The following RPH3AL variants were observed in gnomAD, a reference collection of about 807,000 sequenced individuals.
RPH3AL encodes the protein rabphilin 3A like (without C2 domains).
A neutral mutation model predicts 43.1 loss-of-function variants in RPH3AL; 38 were observed. That is an observed-to-expected ratio of 0.88 (90% CI 0.68 to 1.15). RPH3AL has a LOEUF of 1.15. Ranked by LOEUF, RPH3AL falls within the 50% of genes most tolerant of loss-of-function variation. The pLI is 0.00. For missense variants in RPH3AL, 462 were observed against 423.2 expected (o/e 1.09, Z -0.81); for synonymous variants, 189 against 176.3 (o/e 1.07, Z -0.57).
chr17:223,711 G>A (rs1053433223), intron 7 of RPH3AL, among the ~76,000 whole-genome samples: 7 of 152,154 alleles, frequency 4.6e-5, no homozygotes, highest in Admixed American at 2.6e-4. Context: ...ATGAGGAAAC[G>A]GTAGCTGCCA....
chr17:223,502 C>T (rs1052343516), intron 7 of RPH3AL, among the ~76,000 whole-genome samples: 5 of 152,284 alleles, frequency 3.3e-5, no homozygotes, highest in South Asian at 2.1e-4. Context: ...TAGTGAGCAT[C>T]GTCTTCCAAA....
intron 7 of RPH3AL, among the ~76,000 whole-genome samples, chr17:230,490 AG>A (rs2041206652): frequency 6.6e-6 from 1 of 152,158 alleles, no homozygotes; most frequent in Non-Finnish European, 1.5e-5. Context: ...TAGACACAAA[AG>A]CTGAGGCTGG....
chr17:321,437 C>A, intron 3 of RPH3AL, 22 bp from the exon 4 acceptor site: 1 of 1,567,124 alleles, frequency 6.4e-7, no homozygotes, highest in Non-Finnish European at 8.6e-7. Flanking sequence ...ACAGCACAGA[C>A]GGCGTGGAGG....
intron 5 of RPH3AL, among the ~76,000 whole-genome samples, chr17:314,298 C>G (rs1015018239): frequency 6.6e-6 from 1 of 151,920 alleles, no homozygotes; most frequent in East Asian, 1.9e-4. Flanking sequence ...ATATTCACAG[C>G]AGCTGTGGGG....
chr17:297,994 G>C (rs1007029790), intron 5 of RPH3AL, among the ~76,000 whole-genome samples: 21 of 151,950 alleles, frequency 1.4e-4, no homozygotes, highest in African/African-American at 4.6e-4. Flanking sequence ...TGTCCCCACC[G>C]GCCTTGCCAA....
chr17:246,934 T>C lies in RPH3AL; in HGVS notation c.613+177A>G, dbSNP rs574154733. Among the ~76,000 whole-genome samples, 79 of 152,050 alleles carry C rather than the reference T, an allele frequency of 5.2e-4. No individual in the cohort carries two copies. Among genetic ancestry groups the C allele is most frequent in the African/African-American group, 1.8e-3 (74 of 41,482 alleles). ...AGAGCGAACAGTCACCTGCTGGAGGTCCCCGCTGCTCACTCGGGAGAAGGT... is the reference window on the plus strand; with the variant it reads ...AGAGCGAACAGTCACCTGCTGGAGGCCCCCGCTGCTCACTCGGGAGAAGGT... On this transcript the variant is annotated intron_variant, in intron 7 of 9. Transcript: ENST00000331302. This position sits in a 1 kb window ranked among gnomAD's most constrained non-coding sequence, Gnocchi z 4.8.
At position 289,936 on chromosome 17, in the gene RPH3AL, G is replaced by A. The variant is rs2043009091; in HGVS notation, c.352-8082C>T. ...TGTCAAGGTTGTGATTTTACCCTCCGCTGTGTGGCTGCAGGGCTCCTGTGA... is the reference window on the plus strand; with the variant it reads ...TGTCAAGGTTGTGATTTTACCCTCCACTGTGTGGCTGCAGGGCTCCTGTGA... On this transcript the variant is annotated intron_variant, in intron 5 of 9. Coordinates refer to ENST00000331302, the MANE Select transcript of RPH3AL (RefSeq NM_006987.4). The surrounding 1 kb of genome is among the most constrained non-coding windows in gnomAD (Gnocchi z 5.2). 6.6e-6 allele frequency among the ~76,000 whole-genome samples: 1 copy of A among 152,150 alleles called. No individual in the cohort carries two copies. The highest frequency in any genetic ancestry group is 2.4e-5 in the African/African-American group (1 of 41,428).
intron 1 of RPH3AL, among the ~76,000 whole-genome samples, chr17:340,624 C>G (rs1295696431): frequency 3.3e-4 from 4 of 11,964 alleles, no homozygotes; most frequent in African/African-American, 5.4e-4. Flanking sequence ...TCACTGCCCC[C>G]CTCCCAGGCC....
At position 267,357 on chromosome 17, in the gene RPH3AL, C is replaced by T. The variant is rs371191977; in HGVS notation, c.438+14411G>A. On this transcript the variant is annotated intron_variant, in intron 6 of 9. Coordinates refer to ENST00000331302, the MANE Select transcript of RPH3AL (RefSeq NM_006987.4). ...TTACAATGGTGATTGGCTGCGAAGC[C>T]GCCTCTGTTCCCAGACGGAGTGGGC... is the stretch of plus-strand genomic sequence containing the variant. Among the ~76,000 whole-genome samples the T allele has an allele frequency of 3.9e-5, 6 of 152,336 alleles. No individual in the cohort carries two copies. In the East Asian group the frequency reaches 9.7e-4, roughly 25 times the overall value.
intron 7 of RPH3AL, among the ~76,000 whole-genome samples, chr17:232,236 C>T (rs1018960876): frequency 6.6e-6 from 1 of 152,190 alleles, no homozygotes; most frequent in Non-Finnish European, 1.5e-5. Context: ...AATTATTTGA[C>T]CTCTCCATGA....
intron 7 of RPH3AL, among the ~76,000 whole-genome samples, chr17:222,114 G>A (rs1291391590): frequency 6.6e-6 from 1 of 150,760 alleles, no homozygotes; most frequent in African/African-American, 2.4e-5. Context: ...AAGGCCCAAG[G>A]CAATGCTCTG....
chr17:340,109 C>T (rs1376683230), intron 1 of RPH3AL, among the ~76,000 whole-genome samples: 1 of 152,078 alleles, frequency 6.6e-6, no homozygotes, highest in Non-Finnish European at 1.5e-5. Flanking sequence ...CCCAGACCTC[C>T]TCAGTCACCC....
chr17:235,743 A>ATGGAT, intron 7 of RPH3AL, among the ~76,000 whole-genome samples: 1 of 110,992 alleles, frequency 9.0e-6, no homozygotes, highest in South Asian at 3.0e-4. Flanking sequence ...CACTAACAAG[A>ATGGAT]CGGATCCAGG....
intron 6 of RPH3AL, among the ~76,000 whole-genome samples, chr17:262,956 C>T (rs1169141592): frequency 6.6e-6 from 1 of 152,196 alleles, no homozygotes; most frequent in Non-Finnish European, 1.5e-5. Flanking sequence ...CCCCACGTGG[C>T]CCTGCCCGAC....
chr17:231,282 G>A (rs1284593055), intron 7 of RPH3AL, among the ~76,000 whole-genome samples: 1 of 152,190 alleles, frequency 6.6e-6, no homozygotes, highest in Non-Finnish European at 1.5e-5. Context: ...TCAGGCCCAT[G>A]GGGTCTGTGG....
In RPH3AL at chr17:274,603, G is replaced by T. The variant is rs1346275197; in HGVS notation, c.438+7165C>A. ...GCGGAGGAGACAGCATAAGCCAGGGGCTGCGGTCCCTCGTCCTCCCTGGTT... is the reference window on the plus strand; with the variant it reads ...GCGGAGGAGACAGCATAAGCCAGGGTCTGCGGTCCCTCGTCCTCCCTGGTT... On this transcript the variant is annotated intron_variant, in intron 6 of 9. Transcript: ENST00000331302. This position sits in a 1 kb window ranked among gnomAD's most constrained non-coding sequence, Gnocchi z 4.7. Among the ~76,000 whole-genome samples the T allele has an allele frequency of 6.6e-6, 1 of 152,202 alleles. No homozygotes were observed. The highest frequency in any genetic ancestry group is 2.4e-5 in the African/African-American group (1 of 41,456).
chr17:239,048 G>A (rs2041467251), intron 7 of RPH3AL, among the ~76,000 whole-genome samples: 1 of 152,246 alleles, frequency 6.6e-6, no homozygotes, highest in South Asian at 2.1e-4. Flanking sequence ...GGTACCAAGA[G>A]GTACTCAGGC....
At chr17:316,074 G>A (rs1357420076) in intron 5 of RPH3AL, among the ~76,000 whole-genome samples, 2 of 146,582 alleles carry the variant, frequency 1.4e-5, no homozygotes, top group African/African-American at 2.6e-5. Context: ...GTGATGTGTA[G>A]TCCCTGTGCT....
At chr17:321,119 A>G (rs1467078219) in intron 4 of RPH3AL, among the ~76,000 whole-genome samples, 153 bp downstream of exon 4, 1 of 152,136 alleles carries the variant, frequency 6.6e-6, no homozygotes, top group East Asian at 1.9e-4. Context: ...CAGACAGAGC[A>G]CCCTTCAGCA....
Sources: gnomAD v4.1 joint callset for allele counts (sites outside exome capture counted in the v4.1 genomes callset) on GRCh38, gnomAD v4.1.1 for gene constraint, Gnocchi (gnomAD v3.1) non-coding constraint, MANE v1.5 for transcripts, NCBI Gene and HGNC (gene_info 2026-07-23, HGNC 2026-07-21) for gene names.